CREB5: variants seen among roughly 807,000 people sequenced by gnomAD.
CREB5 encodes the protein cAMP responsive element binding protein 5, also known as cyclic AMP-responsive element-binding protein 5.
CREB5 carries 19 observed loss-of-function variants against 57.1 expected under a neutral mutation model. That is an observed-to-expected ratio of 0.33 (90% confidence interval 0.23 to 0.49). The LOEUF (loss-of-function observed/expected upper bound fraction) is 0.49. Ranked by LOEUF, CREB5 falls within the 20% of genes least tolerant of loss-of-function variation. CREB5 has a pLI of 0.99. For missense variants in CREB5, 579 were observed against 671.6 expected (o/e 0.86, Z 1.52); for synonymous variants, 238 against 238.3 (o/e 1.00, Z 0.01).
rs377128829 is a variant in CREB5, at chr7:28,390,142, CTTAT to C, written c.-25+90704_-25+90707del. Among the ~76,000 whole-genome samples, 46 of 151,784 alleles carry C rather than the reference CTTAT, an allele frequency of 3.0e-4. No homozygotes were observed. The East Asian group carries it at 8.3e-3, about 27-fold the overall frequency. ...ATATTAAATGAGAACATAACCATCG[CTTAT>C]TTGTCTTTTGTATTATTATGAGGCA... On this transcript the variant is annotated intron_variant, in intron 1 of 9. Coordinates refer to the CREB5 transcript ENST00000396299.
chr7:28,654,906 G>A (rs1799277169), intron 5 of CREB5, among the ~76,000 whole-genome samples: 1 of 152,036 alleles, frequency 6.6e-6, no homozygotes, highest in Non-Finnish European at 1.5e-5. Flanking sequence ...GGGTTTACAG[G>A]TGAAAATTCA....
At chr7:28,375,392 T>C (rs889157883) in intron 1 of CREB5, among the ~76,000 whole-genome samples, 14 of 152,104 alleles carry the variant, frequency 9.2e-5, no homozygotes, top group African/African-American at 3.4e-4. Context: ...GGGGCAGGAA[T>C]GGTTAATGGG....
At chr7:28,326,986 A>T (rs34789846) in intron 1 of CREB5, among the ~76,000 whole-genome samples, 6,304 of 152,010 alleles carry the variant, frequency 0.041, 190 homozygotes, top group Non-Finnish European at 0.063. Context: ...TGTCTTGAGT[A>T]AAAATACAAA....
chr7:28,653,137 A>G (rs548037354), intron 5 of CREB5, among the ~76,000 whole-genome samples: 1 of 152,334 alleles, frequency 6.6e-6, no homozygotes, highest in South Asian at 2.1e-4. Flanking sequence ...CATCAAATAT[A>G]AACTATTCCT....
intron 9 of CREB5, among the ~76,000 whole-genome samples, chr7:28,810,318 G>C (rs911073188): frequency 6.6e-6 from 1 of 152,144 alleles, no homozygotes; most frequent in African/African-American, 2.4e-5. Flanking sequence ...AGTGCTTCCA[G>C]AAGCTGAGAG....
intron 5 of CREB5, among the ~76,000 whole-genome samples, chr7:28,695,072 A>T (rs34866691): frequency 0.13 from 19,231 of 152,108 alleles, 1,333 homozygotes; most frequent in South Asian, 0.2. Context: ...AAAAAAAATT[A>T]AAAAATTAGC....
At chr7:28,410,851 C>T, upstream of CREB5, 1 of 328,042 alleles carries the variant, frequency 3.0e-6, no homozygotes, top group Non-Finnish European at 6.0e-6. Flanking sequence ...CTTTGCATCC[C>T]CCTACCCTCC....
chr7:28,797,023 GCATT>G (rs1808086384), intron 7 of CREB5, among the ~76,000 whole-genome samples: 1 of 152,290 alleles, frequency 6.6e-6, no homozygotes, highest in African/African-American at 2.4e-5. Context: ...CTATAAATGT[GCATT>G]CATTAATTTC....
chr7:28,614,178 C>G (rs1194741885), intron 5 of CREB5, among the ~76,000 whole-genome samples: 1 of 152,106 alleles, frequency 6.6e-6, no homozygotes, highest in Non-Finnish European at 1.5e-5. Context: ...AGGCCAGTCT[C>G]AAACACTTGG....
chr7:28,467,688 T>C (rs1790647223), intron 1 of CREB5, among the ~76,000 whole-genome samples: 1 of 152,290 alleles, frequency 6.6e-6, no homozygotes, highest in South Asian at 2.1e-4. Context: ...GAAGCTACCA[T>C]GCAAATGTAA....
At chr7:28,392,257 T>C (rs1787232859) in intron 1 of CREB5, among the ~76,000 whole-genome samples, 1 of 152,238 alleles carries the variant, frequency 6.6e-6, no homozygotes, top group East Asian at 1.9e-4. Context: ...CCTGCACAGG[T>C]ACCCCTGAAC....
chr7:28,379,363 T>C (rs896308097), intron 1 of CREB5, among the ~76,000 whole-genome samples: 5 of 152,218 alleles, frequency 3.3e-5, no homozygotes, highest in Admixed American at 6.5e-5. Flanking sequence ...TTTATCACAA[T>C]ATGTTCTGCT....
chr7:28,488,378 A>C, intron 2 of CREB5, 132 bp downstream of exon 2: 1 of 674,430 alleles, frequency 1.5e-6, no homozygotes, highest in African/African-American at 1.8e-5. Context: ...CCCCCTCCCC[A>C]TCAGTATCGT....
intron 7 of CREB5, among the ~76,000 whole-genome samples, chr7:28,782,407 C>A (rs1288897006): frequency 6.6e-6 from 1 of 152,158 alleles, no homozygotes; most frequent in Non-Finnish European, 1.5e-5. Context: ...AATTTGAACA[C>A]ATACAAAAAG....
chr7:28,453,263 C>A (rs1203688096), intron 1 of CREB5, among the ~76,000 whole-genome samples: 1 of 152,020 alleles, frequency 6.6e-6, no homozygotes, highest in Non-Finnish European at 1.5e-5. Context: ...CATAATAAGA[C>A]CCCATCTCTA....
At chr7:28,701,311 G>GC (rs1028243396) in intron 5 of CREB5, among the ~76,000 whole-genome samples, 7 of 152,072 alleles carry the variant, frequency 4.6e-5, no homozygotes, top group Admixed American at 1.3e-4. Flanking sequence ...GATTTAAATG[G>GC]CCCCCCAAAA....
chr7:28,652,130 AATTTT>A (rs1464969362), intron 5 of CREB5, among the ~76,000 whole-genome samples: 51 of 152,294 alleles, frequency 3.3e-4, no homozygotes, highest in Admixed American at 5.9e-4. Context: ...TTAATAAAAA[AATTTT>A]ATTTTAAGGT....
chr7:28,710,209 G>A (rs1802334225), intron 5 of CREB5, among the ~76,000 whole-genome samples: 1 of 152,164 alleles, frequency 6.6e-6, no homozygotes, highest in Non-Finnish European at 1.5e-5. Flanking sequence ...GTATTAAGCT[G>A]TTAATGTAAA....
Position 28,702,474 on chromosome 7 carries a change from G to A in CREB5, c.465-16279G>A, listed in dbSNP as rs534833477. On this transcript the variant is annotated intron_variant, in intron 5 of 10. Transcript: ENST00000357727. ...ACCAATATCATGAGGCAAGCACTCCGGTGCTCACTTATGTTGGATCAATCT... is the reference window on the plus strand; with the variant it reads ...ACCAATATCATGAGGCAAGCACTCCAGTGCTCACTTATGTTGGATCAATCT... Among the ~76,000 whole-genome samples the A allele has an allele frequency of 5.9e-5, 9 of 152,316 alleles. No individual in the cohort carries two copies. The South Asian group carries it at 6.2e-4, about 11-fold the overall frequency.
Sources: gnomAD v4.1 joint callset for allele counts (sites outside exome capture counted in the v4.1 genomes callset) on GRCh38, gnomAD v4.1.1 for gene constraint, MANE v1.5 for transcripts, NCBI Gene and HGNC (gene_info 2026-07-23, HGNC 2026-07-21) for gene names.